The following CASD1 variants were observed in gnomAD, a reference collection of about 807,000 sequenced individuals.
CASD1 encodes the protein CAS1 domain sialic acid O acetyltransferase 1, also known as N-acetylneuraminate (7)9-O-acetyltransferase.
CASD1 carries 41 observed loss-of-function variants against 100.0 expected under a neutral mutation model. That is an observed-to-expected ratio of 0.41 (90% CI 0.32 to 0.53). The LOEUF (loss-of-function observed/expected upper bound fraction) is 0.53. Among genes scored for constraint, CASD1 ranks in the 20% least tolerant of loss-of-function variants. The probability of loss-of-function intolerance (pLI) is 0.25; values close to 1 mark genes in which losing one functional copy is unlikely to be tolerated. For missense variants in CASD1, 774 were observed against 948.7 expected (o/e 0.82, Z 2.42); for synonymous variants, 321 against 315.6 (o/e 1.02, Z -0.18).
At chr7:94,551,570 T>A in intron 15 of CASD1, 92 bp downstream of exon 15, 11 of 515,458 alleles carry the variant, frequency 2.1e-5, no homozygotes, top group Non-Finnish European at 3.2e-5. Context: ...ATAATAAATC[T>A]TTTTTTCTCC....
In CASD1 at chr7:94,551,471, C is replaced by A; in HGVS notation, c.1949C>A (p.Ser650Tyr). ...SNFLLFISVV[S>Y]FLTYSIWASS... ...TTTCTGTTGTTTATTTCAGTAGTTT[C>A]TTTCTTGGTAAGTTTTGAAAACTTT... Residue 650 changes from serine to tyrosine, a missense_variant, in exon 15 of 18, where the codon TCT becomes TAT. Transcript: ENST00000297273. 1 of 1,461,528 alleles carries A rather than the reference C, an allele frequency of 6.8e-7. No individual in the cohort carries two copies. The highest frequency in any genetic ancestry group is 9.1e-7 in the Non-Finnish European group (1 of 1,104,046). 90.5% of individuals were successfully genotyped at this position (1,461,528 alleles called of 1,614,324 possible).
downstream of CASD1, among the ~76,000 whole-genome samples, chr7:94,559,805 G>A (rs1025417729): frequency 1.3e-5 from 2 of 152,076 alleles, no homozygotes; most frequent in African/African-American, 2.4e-5. Flanking sequence ...GGATATAGGC[G>A]TGAGCCACCG....
At chr7:94,518,425 AT>A in intron 3 of CASD1, 102 bp downstream of exon 3, 1 of 986,996 alleles carries the variant, frequency 1.0e-6, no homozygotes, top group South Asian at 2.0e-5. Flanking sequence ...AGCTGAAAAA[AT>A]TTTACTTTGA....
chr7:94,527,271 C>T (rs1039125057), intron 4 of CASD1, 65 bp downstream of exon 4: 18 of 1,120,672 alleles, frequency 1.6e-5, no homozygotes, highest in Non-Finnish European at 2.4e-5. Context: ...GTTAATTGAA[C>T]ATACTAAGTA....
At chr7:94,541,984 C>T (rs995083280) in intron 10 of CASD1, among the ~76,000 whole-genome samples, 1 of 152,060 alleles carries the variant, frequency 6.6e-6, no homozygotes, top group Non-Finnish European at 1.5e-5. Flanking sequence ...TATCTTAAAA[C>T]GTTGGAATAA....
chr7:94,533,181 T>A, intron 5 of CASD1, 24 bp from the exon 6 acceptor site: 2 of 1,580,592 alleles, frequency 1.3e-6, no homozygotes, highest in Non-Finnish European at 1.7e-6. Context: ...TATAATACTA[T>A]GATAAAGATT....
chr7:94,563,191 G>A, the CASD1 span, among the ~76,000 whole-genome samples: 1 of 152,122 alleles, frequency 6.6e-6, no homozygotes, highest in Non-Finnish European at 1.5e-5. Flanking sequence ...CATGGAACCT[G>A]AAGACGTTGA....
chr7:94,536,876 T>G (rs1394051945), intron 8 of CASD1, among the ~76,000 whole-genome samples: 1 of 152,202 alleles, frequency 6.6e-6, no homozygotes, highest in Non-Finnish European at 1.5e-5. Flanking sequence ...ACATTAGATA[T>G]CTTAAAACTT....
chr7:94,588,516 T>G, the CASD1 span: 2 of 1,437,442 alleles, frequency 1.4e-6, no homozygotes, highest in Non-Finnish European at 1.8e-6. Flanking sequence ...CTGATGCCAA[T>G]CTATGTAATA....
At chr7:94,550,181 A>G (rs983346898) in intron 14 of CASD1, among the ~76,000 whole-genome samples, 5 of 152,294 alleles carry the variant, frequency 3.3e-5, no homozygotes, top group East Asian at 1.9e-4. Flanking sequence ...TTAAGGTTCA[A>G]TTGGCCAGGA....
rs187563905 is a variant in CASD1, at chr7:94,547,151, C to T, written c.1689C>T (p.Phe563=). The T allele has an allele frequency of 1.3e-6, 2 of 1,587,652 alleles. No individual in the cohort carries two copies. The highest frequency in any genetic ancestry group is 2.3e-5 in the East Asian group (1 of 44,010). ...LLLKLGFLLL[F]ICFLAYSQGA... ...TGAAACTAGGCTTTTTGCTGTTATT[C>T]ATATGTTTTTTGGCATATTCTCAGG... is the stretch of plus-strand genomic sequence containing the variant. The change falls in exon 13 of 18, where the codon TTC becomes TTT. Residue 563 remains phenylalanine, a synonymous_variant. Transcript: ENST00000297273.
intron 3 of CASD1, among the ~76,000 whole-genome samples, chr7:94,521,477 C>T (rs1258152431): frequency 6.6e-6 from 1 of 152,032 alleles, no homozygotes; most frequent in Non-Finnish European, 1.5e-5. Context: ...TTAAAGTGTT[C>T]TAATGTACTC....
Position 94,555,835 on chromosome 7 carries a change from A to T in CASD1, c.*77A>T, listed in dbSNP as rs1350138228. 1 of 1,396,582 alleles carries T rather than the reference A, an allele frequency of 7.2e-7. No homozygotes were observed. Among genetic ancestry groups the T allele is most frequent in the African/African-American group, 1.4e-5 (1 of 69,516 alleles). The allele number at this position is 1,396,582 out of a possible 1,614,324, so 86.5% of individuals were successfully genotyped here. A position where few individuals can be genotyped will look rare whatever the true frequency, so the allele number is the denominator to read the frequency against. Reference sequence around the variant, plus strand: ...CTAGAAGAGAAAAGCATCTATCTGGAGATATAAATGTGTATGTAAATATAA... The same window carrying T: ...CTAGAAGAGAAAAGCATCTATCTGGTGATATAAATGTGTATGTAAATATAA... On this transcript the variant is annotated 3_prime_UTR_variant, in exon 18 of 18. Coordinates refer to ENST00000297273, the MANE Select transcript of CASD1 (RefSeq NM_022900.5).
Position 94,537,812 on chromosome 7 carries a change from A to T in CASD1, c.1184A>T (p.Lys395Ile), listed in dbSNP as rs1311912778. ...DRANLFMKEN[K>I]FYTHSSFFIP... ...GCAAATCTGTTCATGAAGGAAAACA[A>T]ATTTTATACACATTCATCTTTCTTT... is the stretch of plus-strand genomic sequence containing the variant. Residue 395 changes from lysine (K) to isoleucine (I), a missense_variant, in exon 9 of 18, where the codon AAA becomes ATA. Coordinates refer to ENST00000297273, the MANE Select transcript of CASD1 (RefSeq NM_022900.5). 6.3e-7 allele frequency: 1 copy of T among 1,599,606 alleles called. No homozygotes were observed. Among genetic ancestry groups the T allele is most frequent in the Non-Finnish European group, 8.6e-7 (1 of 1,167,064 alleles).
chr7:94,521,355 A>G (rs1037809792), intron 3 of CASD1, among the ~76,000 whole-genome samples: 5 of 152,214 alleles, frequency 3.3e-5, no homozygotes, highest in Non-Finnish European at 7.3e-5. Flanking sequence ...AAAAATGTAT[A>G]TAAATCTAAA....
At chr7:94,587,197 A>G in the CASD1 span, 1 of 985,348 alleles carries the variant, frequency 1.0e-6, no homozygotes, top group Non-Finnish European at 1.2e-6. Flanking sequence ...TGTATTTGGA[A>G]GTGCTCTGTA....
chr7:94,542,813 T>A (rs534836288), intron 10 of CASD1, among the ~76,000 whole-genome samples: 1 of 152,298 alleles, frequency 6.6e-6, no homozygotes, highest in Admixed American at 6.5e-5. Context: ...AATTCTGAGG[T>A]TTATTTCAGT....
chr7:94,605,559 A>G, the CASD1 span, among the ~76,000 whole-genome samples: 1 of 152,306 alleles, frequency 6.6e-6, no homozygotes, highest in African/African-American at 2.4e-5. Flanking sequence ...TTATTTTATC[A>G]TAAGATACCT....
the CASD1 span, among the ~76,000 whole-genome samples, chr7:94,607,772 C>A: frequency 1.3e-5 from 2 of 152,002 alleles, no homozygotes; most frequent in African/African-American, 2.4e-5. Context: ...ACTGGAAGTC[C>A]TAACTAATGT....
Sources: allele counts gnomAD v4.1 joint callset (sites outside exome capture counted in the v4.1 genomes callset), GRCh38; gene constraint gnomAD v4.1.1; transcripts MANE v1.5; gene names NCBI Gene and HGNC (gene_info 2026-07-23, HGNC 2026-07-21).